The following PDGFC variants were observed in gnomAD, a reference collection of about 807,000 sequenced individuals.
The protein encoded by PDGFC is platelet derived growth factor C, also known as platelet-derived growth factor C.
PDGFC carries 12 observed loss-of-function variants against 35.5 expected under a neutral mutation model. The observed-to-expected ratio is 0.34, with a 90% CI of 0.22 to 0.55. The LOEUF (loss-of-function observed/expected upper bound fraction) is 0.55. Among genes scored for constraint, PDGFC ranks in the 20% least tolerant of loss-of-function variants. The probability of loss-of-function intolerance (pLI) is 0.91; values close to 1 mark genes in which losing one functional copy is unlikely to be tolerated. For missense variants in PDGFC, 322 were observed against 412.4 expected (o/e 0.78, Z 1.90); for synonymous variants, 159 against 148.8 (o/e 1.07, Z -0.50).
intron 2 of PDGFC, among the ~76,000 whole-genome samples, chr4:156,847,228 G>A (rs2111073004): frequency 6.6e-6 from 1 of 151,734 alleles, no homozygotes; most frequent in East Asian, 1.9e-4. Context: ...TACCGTAGCA[G>A]AGCAGAAGCC....
intron 3 of PDGFC, among the ~76,000 whole-genome samples, chr4:156,810,485 T>G (rs548027649): frequency 6.6e-6 from 1 of 152,150 alleles, no homozygotes; most frequent in South Asian, 2.1e-4. Context: ...CAAAATTCAG[T>G]TTGCATTGTA....
chr4:156,811,984 A>T (rs1370840798), intron 2 of PDGFC, among the ~76,000 whole-genome samples: 1 of 152,062 alleles, frequency 6.6e-6, no homozygotes, highest in Admixed American at 6.6e-5. Context: ...TGCAGGTGCA[A>T]ATTCTACTAC....
At chr4:156,923,137 G>T (rs775390217) in intron 1 of PDGFC, among the ~76,000 whole-genome samples, 1 of 151,996 alleles carries the variant, frequency 6.6e-6, no homozygotes, top group African/African-American at 2.4e-5. Context: ...GCAAAGCTGT[G>T]CTGCGGAATC....
chr4:156,785,822 A>G (rs1284798191), intron 3 of PDGFC, among the ~76,000 whole-genome samples: 1 of 152,184 alleles, frequency 6.6e-6, no homozygotes, highest in East Asian at 1.9e-4. Context: ...GCAAAGTCAC[A>G]GTGAGATTTA....
intron 2 of PDGFC, among the ~76,000 whole-genome samples, chr4:156,848,234 T>C (rs1248317009): frequency 6.6e-6 from 1 of 151,912 alleles, no homozygotes; most frequent in Non-Finnish European, 1.5e-5. Flanking sequence ...AATTTCACAC[T>C]TACCCATATT....
At chr4:156,824,327 T>TACACACATACACATAC (rs1553967646) in intron 2 of PDGFC, among the ~76,000 whole-genome samples, 7 of 102,830 alleles carry the variant, frequency 6.8e-5, no homozygotes, top group African/African-American at 2.7e-4. Context: ...TATATATATA[T>TACACACATACACATAC]ACACACACAC....
intron 1 of PDGFC, among the ~76,000 whole-genome samples, chr4:156,877,788 C>A (rs189197142): frequency 6.6e-6 from 1 of 152,188 alleles, no homozygotes; most frequent in East Asian, 1.9e-4. Flanking sequence ...TTGGTGACCC[C>A]AGCTGACACC....
intron 1 of PDGFC, among the ~76,000 whole-genome samples, chr4:156,958,746 A>G (rs969038267): frequency 6.6e-6 from 1 of 152,040 alleles, no homozygotes; most frequent in African/African-American, 2.4e-5. Flanking sequence ...CCTTTACTGA[A>G]CCATTTTGGC....
intron 3 of PDGFC, among the ~76,000 whole-genome samples, chr4:156,795,739 T>C (rs899496073): frequency 7.9e-5 from 12 of 152,190 alleles, no homozygotes; most frequent in African/African-American, 1.4e-4. Flanking sequence ...AAATTTAATA[T>C]GTAAAACTAC....
intron 1 of PDGFC, among the ~76,000 whole-genome samples, chr4:156,927,657 C>A (rs1279912144): frequency 6.6e-6 from 1 of 152,126 alleles, no homozygotes; most frequent in Non-Finnish European, 1.5e-5. Flanking sequence ...CTGAGACCAC[C>A]TCAGCCTGGA....
chr4:156,844,898 C>G (rs1371855453), intron 2 of PDGFC, among the ~76,000 whole-genome samples: 2 of 151,650 alleles, frequency 1.3e-5, no homozygotes, highest in Non-Finnish European at 3.0e-5. Flanking sequence ...AAGAAAATAT[C>G]AGAAAAGATA....
intron 5 of PDGFC, among the ~76,000 whole-genome samples, chr4:156,764,514 A>G (rs1176713250): frequency 6.6e-6 from 1 of 152,180 alleles, no homozygotes; most frequent in Non-Finnish European, 1.5e-5. Context: ...AGAGAGATAG[A>G]TAATAATTTT....
intron 4 of PDGFC, among the ~76,000 whole-genome samples, chr4:156,769,641 G>A (rs1730637669): frequency 6.6e-6 from 1 of 151,936 alleles, no homozygotes; most frequent in Non-Finnish European, 1.5e-5. Context: ...ATCCTGTGAA[G>A]GCAAAGCTTT....
chr4:156,777,185 T>G (rs1730851549), intron 3 of PDGFC, among the ~76,000 whole-genome samples: 1 of 152,152 alleles, frequency 6.6e-6, no homozygotes, highest in Non-Finnish European at 1.5e-5. Flanking sequence ...CCCTGCTCTT[T>G]AAGACATCAA....
chr4:156,820,094 A>T (rs951536694), intron 2 of PDGFC, among the ~76,000 whole-genome samples: 1 of 152,252 alleles, frequency 6.6e-6, no homozygotes, highest in Admixed American at 6.5e-5. Flanking sequence ...TGAATGAATG[A>T]GGAGTTGCTT....
chr4:156,788,309 C>T (rs764152666), intron 3 of PDGFC, among the ~76,000 whole-genome samples: 20 of 151,918 alleles, frequency 1.3e-4, no homozygotes, highest in Admixed American at 3.9e-4. Flanking sequence ...TCCAGAACCC[C>T]GAAAAGCTAC....
chr4:156,879,523 A>T (rs191754821), intron 1 of PDGFC, among the ~76,000 whole-genome samples: 1 of 152,300 alleles, frequency 6.6e-6, no homozygotes, highest in Admixed American at 6.5e-5. Flanking sequence ...CAAAAACCCA[A>T]GCAACTGGGT....
chr4:156,897,552 G>A (rs1001865790), intron 1 of PDGFC, among the ~76,000 whole-genome samples: 6 of 152,014 alleles, frequency 3.9e-5, no homozygotes, highest in Admixed American at 3.3e-4. Flanking sequence ...AGAGGCTGAT[G>A]CAAAATTATA....
At chr4:156,917,740 G>GT in intron 1 of PDGFC, among the ~76,000 whole-genome samples, 1 of 152,282 alleles carries the variant, frequency 6.6e-6, no homozygotes, top group African/African-American at 2.4e-5. Context: ...TAATGTACAT[G>GT]AGTTACACTC....
Sources: gnomAD v4.1 joint callset for allele counts (sites outside exome capture counted in the v4.1 genomes callset) on GRCh38, gnomAD v4.1.1 for gene constraint, MANE v1.5 for transcripts, NCBI Gene and HGNC (gene_info 2026-07-23, HGNC 2026-07-21) for gene names.